The following DHRS4L2 variants were observed in gnomAD, a reference collection of about 807,000 sequenced individuals.
DHRS4L2 encodes the protein dehydrogenase/reductase 4 like 2.
Under a neutral mutation model 23.9 loss-of-function variants are expected in DHRS4L2, and 22 were observed. The ratio of observed to expected loss-of-function variants is 0.92; its 90% CI spans 0.66 to 1.31. The LOEUF (loss-of-function observed/expected upper bound fraction) is 1.31. DHRS4L2 is among the 40% of genes most tolerant of loss of function. The pLI is 0.00. For synonymous variants in DHRS4L2, 141 were observed against 123.7 expected (o/e 1.14, Z -0.93); for missense variants, 385 against 303.3 (o/e 1.27, Z -2.00).
chr14:23,983,356 G>T (rs865799232), intron 1 of DHRS4L2, among the ~76,000 whole-genome samples: 7 of 151,778 alleles, frequency 4.6e-5, no homozygotes, highest in Middle Eastern at 3.4e-3. Flanking sequence ...AGTTAGAATG[G>T]CAATCATTAA....
chr14:23,987,690 G>A (rs1244946762), upstream of DHRS4L2, among the ~76,000 whole-genome samples: 1 of 151,544 alleles, frequency 6.6e-6, no homozygotes. Context: ...AGAAGGAAAG[G>A]TATACTCCAC....
At position 24,005,531 on chromosome 14, in the gene DHRS4L2, G is replaced by T. The variant is rs1187376459; in HGVS notation, c.*23-355G>T. 3.9e-5 allele frequency among the ~76,000 whole-genome samples: 6 copies of T among 152,170 alleles called. 1 individual carries two copies. The highest frequency in any genetic ancestry group is 1.3e-4 in the Admixed American group (2 of 15,300). On this transcript the variant is annotated intron_variant, in intron 7 of 7. Transcript: ENST00000335125. ...CCATTTACTGTCACACAGACTCCCT[G>T]ATACTTTAGTGTGTGCACATGTGAA...
chr14:23,970,412 T>C, intron 1 of DHRS4L2: 3 of 367,382 alleles, frequency 8.2e-6, no homozygotes, highest in South Asian at 2.0e-5. Flanking sequence ...AAGTCCTCCA[T>C]TGCTAAGGCT....
At chr14:23,989,486 C>G (rs1344122527) in intron 1 of DHRS4L2, among the ~76,000 whole-genome samples, 5 of 151,608 alleles carry the variant, frequency 3.3e-5, no homozygotes, top group Admixed American at 1.3e-4. Context: ...TCCCGGAACC[C>G]CTCCCCCTTA....
chr14:23,999,334 C>G (rs1241159117), intron 3 of DHRS4L2, among the ~76,000 whole-genome samples: 1 of 113,960 alleles, frequency 8.8e-6, no homozygotes, highest in Non-Finnish European at 1.8e-5. Context: ...TGCCACGAAA[C>G]TCCAATTTGT....
chr14:23,977,614 C>T (rs989988997), intron 1 of DHRS4L2, among the ~76,000 whole-genome samples: 19 of 151,722 alleles, frequency 1.3e-4, no homozygotes, highest in Admixed American at 3.9e-4. Context: ...AGCCTTGAGA[C>T]GTGACTGTGA....
At chr14:23,988,478 G>T (rs1354641335), upstream of DHRS4L2, among the ~76,000 whole-genome samples, 1 of 150,030 alleles carries the variant, frequency 6.7e-6, no homozygotes. Context: ...GGGACCACAG[G>T]CCTCACCTCC....
chr14:23,973,687 A>G (rs2033912181), intron 1 of DHRS4L2, among the ~76,000 whole-genome samples: 1 of 151,958 alleles, frequency 6.6e-6, no homozygotes, highest in African/African-American at 2.4e-5. Context: ...GATCAGTTCA[A>G]CAAGAAGAGC....
At chr14:23,991,484 C>T (rs1480569727) in intron 2 of DHRS4L2, among the ~76,000 whole-genome samples, 1 of 151,748 alleles carries the variant, frequency 6.6e-6, no homozygotes, top group Non-Finnish European at 1.5e-5. Flanking sequence ...CCTGTGCCCC[C>T]CACCAGGTTC....
At position 24,001,504 on chromosome 14, in the gene DHRS4L2, G is replaced by C. The variant is rs369952854; in HGVS notation, c.652G>C (p.Ala218Pro). The C allele has an allele frequency of 5.6e-5, 90 of 1,602,748 alleles. 2 individuals carry two copies. Among genetic ancestry groups the C allele is most frequent in the Non-Finnish European group, 7.5e-5 (88 of 1,177,686 alleles). ...NCLHLDLSRLASAGCSGWTRK... is the reference protein window; with the variant it reads ...NCLHLDLSRLPSAGCSGWTRK... ...CCTGCACCTGGACTTATCAAGACTA[G>C]CTTCAGCAGGATGGTGAGGAAGGGG... Residue 218 changes from alanine (A) to proline (P), a missense_variant, in exon 6 of 8, where the codon GCT becomes CCT. By Grantham distance (27) the Ala-to-Pro change is conservative. Coordinates refer to ENST00000335125, the MANE Select transcript of DHRS4L2 (RefSeq NM_198083.4).
chr14:23,989,012 C>A lies in DHRS4L2; in HGVS notation c.65C>A (p.Ser22Tyr), dbSNP rs1357031442. 1 of 1,608,996 alleles carries A rather than the reference C, an allele frequency of 6.2e-7. No homozygotes were observed. Among genetic ancestry groups the A allele is most frequent in the African/African-American group, 1.3e-5 (1 of 74,764 alleles). The change falls in exon 1 of 8, where the codon TCC (serine) becomes TAC (tyrosine). Residue 22 changes from serine (S) to tyrosine (Y), a missense_variant. Physicochemically the swap from Ser to Tyr is moderately radical, Grantham distance 144. Coordinates refer to ENST00000335125, the MANE Select transcript of DHRS4L2 (RefSeq NM_198083.4). Reference protein sequence around the residue: ...WARKSVRMASSRMTRRDPLTN... With the variant: ...WARKSVRMASYRMTRRDPLTN... ...CGGAAGTCGGTGCGGATGGCCAGCTCCAGGATGACCCGCCGGGACCCGCTC... is the reference window on the plus strand; with the variant it reads ...CGGAAGTCGGTGCGGATGGCCAGCTACAGGATGACCCGCCGGGACCCGCTC...
chr14:23,998,624 A>G (rs939184148), intron 3 of DHRS4L2, among the ~76,000 whole-genome samples: 20 of 151,714 alleles, frequency 1.3e-4, no homozygotes, highest in African/African-American at 4.8e-4. Flanking sequence ...GCTAGCTTCC[A>G]ACTTTTCCGG....
chr14:23,971,894 C>T (rs1415661185), intron 1 of DHRS4L2, among the ~76,000 whole-genome samples: 2 of 151,998 alleles, frequency 1.3e-5, no homozygotes, highest in Non-Finnish European at 2.9e-5. Flanking sequence ...ATTGTAAAGA[C>T]CATTGATGCT....
rs556201802 is a variant in DHRS4L2 at position 23,998,390 on chromosome 14, T to C, written c.409-2473T>C. Among the ~76,000 whole-genome samples the C allele has an allele frequency of 1.5e-3, 220 of 151,356 alleles. 6 individuals carry two copies. The highest frequency in any genetic ancestry group is 7.6e-3 in the South Asian group (36 of 4,738). ...TCCTTTGAAGTTTTGAAGCCAGGCA[T>C]TGACTTCTCCTCTCTAGCTATTAAA... On this transcript the variant is annotated intron_variant, in intron 3 of 7. Coordinates refer to ENST00000335125, the MANE Select transcript of DHRS4L2 (RefSeq NM_198083.4).
chr14:23,996,561 T>C (rs2034386286), intron 3 of DHRS4L2, among the ~76,000 whole-genome samples: 2 of 150,820 alleles, frequency 1.3e-5, no homozygotes, highest in Admixed American at 1.3e-4. Context: ...CCATCTTTTC[T>C]TCAAAACTAC....
chr14:23,974,915 C>T lies in DHRS4L2; in HGVS notation c.-176+4583C>T, dbSNP rs150067172. Among the ~76,000 whole-genome samples the T allele has an allele frequency of 2.5e-3, 387 of 151,812 alleles. 4 individuals are homozygous for T. Among genetic ancestry groups the T allele is most frequent in the African/African-American group, 8.6e-3 (354 of 41,380 alleles). ...CTCATTTTATAATGCCAGAATCATC[C>T]GGATATCAAAGCTTGGCAGAGACAC... On this transcript the variant is annotated intron_variant, in intron 1 of 5. Coordinates refer to the DHRS4L2 transcript ENST00000534993.
chr14:23,973,361 C>T (rs2033902269), intron 1 of DHRS4L2, among the ~76,000 whole-genome samples: 1 of 152,046 alleles, frequency 6.6e-6, no homozygotes, highest in South Asian at 2.1e-4. Context: ...CCCGCCCATG[C>T]CTCTCCCTCC....
chr14:23,984,426 C>T (rs1178823659), upstream of DHRS4L2, among the ~76,000 whole-genome samples: 1 of 151,582 alleles, frequency 6.6e-6, no homozygotes, highest in Non-Finnish European at 1.5e-5. Flanking sequence ...CCAACAATGT[C>T]ATCAAAATGA....
chr14:23,983,450 A>C (rs1379053735), intron 1 of DHRS4L2, among the ~76,000 whole-genome samples: 1 of 151,736 alleles, frequency 6.6e-6, no homozygotes, highest in Admixed American at 6.6e-5. Context: ...AAATTAGTTC[A>C]ACCGTTGTGG....
Sources: allele counts gnomAD v4.1 joint callset (sites outside exome capture counted in the v4.1 genomes callset), GRCh38; gene constraint gnomAD v4.1.1; transcripts MANE v1.5; gene names NCBI Gene and HGNC (gene_info 2026-07-23, HGNC 2026-07-21).